STK33: variants seen among roughly 807,000 people sequenced by gnomAD.
STK33 encodes serine/threonine kinase 33.
STK33 carries 52 observed loss-of-function variants against 58.0 expected under a neutral mutation model. The ratio of observed to expected loss-of-function variants is 0.90; its 90% CI spans 0.72 to 1.13. The LOEUF is 1.13. Ranked by LOEUF, STK33 falls within the 50% of genes most tolerant of loss-of-function variation. The pLI, the probability that STK33 is intolerant of heterozygous loss-of-function variation, is 0.00. For missense variants in STK33, 630 were observed against 604.2 expected (o/e 1.04, Z -0.45); for synonymous variants, 215 against 200.1 (o/e 1.07, Z -0.63).
chr11:8,515,069 G>C (rs1184790048), intron 1 of STK33, among the ~76,000 whole-genome samples: 3 of 151,872 alleles, frequency 2.0e-5, no homozygotes, highest in African/African-American at 7.2e-5. Flanking sequence ...AGAGAAGTCA[G>C]AAAAATGAAC....
intron 1 of STK33, among the ~76,000 whole-genome samples, chr11:8,553,486 T>C (rs1265896312): frequency 6.6e-6 from 1 of 151,832 alleles, no homozygotes; most frequent in Non-Finnish European, 1.5e-5. Context: ...ATTATAATCA[T>C]ATGGGACCAC....
chr11:8,435,500 C>T lies in STK33; in HGVS notation c.1140G>A (p.Trp380Ter). 1.4e-6 allele frequency: 2 copies of T among 1,450,262 alleles called. No homozygotes were observed. Among genetic ancestry groups the T allele is most frequent in the South Asian group, 1.7e-5 (1 of 60,268 alleles). 89.8% of individuals were successfully genotyped at this position (1,450,262 alleles called of 1,614,324 possible). A position where few individuals can be genotyped will look rare whatever the true frequency, so the allele number is the denominator to read the frequency against. The stretch of plus-strand genomic sequence containing the variant: ...AAGTAATATTGTAACTTACTGTTAA[C>T]CACTGGTTATCTAGTAGTTCCTTAG... The part of the protein sequence containing the change: ...ITAKELLDNQ[W>*]LTGNKLSSVR... Residue 380 changes from tryptophan to a stop codon, truncating the protein, a stop_gained, in exon 14 of 16, where the codon TGG becomes TGA. Coordinates refer to ENST00000687296, the MANE Select transcript of STK33 (RefSeq NM_001352389.2). LOFTEE classifies it high-confidence loss of function.
intron 1 of STK33, among the ~76,000 whole-genome samples, chr11:8,579,392 C>T (rs1008507343): frequency 1.3e-5 from 2 of 151,968 alleles, no homozygotes; most frequent in Admixed American, 6.6e-5. Context: ...CTTTCAAATA[C>T]TTTAGTTCAA....
chr11:8,383,497 G>T, the STK33 span, among the ~76,000 whole-genome samples: 1 of 152,340 alleles, frequency 6.6e-6, no homozygotes, highest in South Asian at 2.1e-4. Context: ...CTGAGGAAGA[G>T]TTGGGCTGAA....
chr11:8,516,356 T>A (rs1439357507), intron 1 of STK33, among the ~76,000 whole-genome samples: 3 of 152,044 alleles, frequency 2.0e-5, no homozygotes, highest in Non-Finnish European at 4.4e-5. Flanking sequence ...TATCCACATA[T>A]AAAAGAATGA....
chr11:8,462,440 T>TACACACACACACACACAAACACAC (rs201221789), intron 7 of STK33, among the ~76,000 whole-genome samples: 1 of 126,498 alleles, frequency 7.9e-6, no homozygotes, highest in Admixed American at 8.7e-5. Flanking sequence ...TATATACATA[T>TACACACACACACACACAAACACAC]ATACACACAC....
At chr11:8,547,428 G>T (rs1247340157) in intron 1 of STK33, among the ~76,000 whole-genome samples, 2 of 152,194 alleles carry the variant, frequency 1.3e-5, no homozygotes, top group Non-Finnish European at 2.9e-5. Flanking sequence ...TGACCAGGCT[G>T]GTCTCGAACT....
At chr11:8,363,065 G>A in the STK33 span, among the ~76,000 whole-genome samples, 3 of 152,176 alleles carry the variant, frequency 2.0e-5, no homozygotes, top group Admixed American at 1.3e-4. Flanking sequence ...CCCCTTGGGC[G>A]GGACCAGAGC....
intron 1 of STK33, among the ~76,000 whole-genome samples, chr11:8,564,068 G>T (rs11041990): frequency 0.48 from 72,508 of 152,016 alleles, 17,381 homozygotes; most frequent in South Asian, 0.63. Flanking sequence ...ACTTTTTCAG[G>T]AGCGGAGTGG....
chr11:8,336,829 C>T, the STK33 span, among the ~76,000 whole-genome samples: 3 of 152,230 alleles, frequency 2.0e-5, no homozygotes, highest in Non-Finnish European at 4.4e-5. Flanking sequence ...GTGGGGCCCG[C>T]GGGCTGCAAG....
chr11:8,364,542 A>G, the STK33 span, among the ~76,000 whole-genome samples: 1 of 152,224 alleles, frequency 6.6e-6, no homozygotes, highest in South Asian at 2.1e-4. Context: ...TGCAAACTGA[A>G]GAGCCAGCAG....
At chr11:8,449,434 T>C (rs371583491) in intron 11 of STK33, among the ~76,000 whole-genome samples, 10 of 151,556 alleles carry the variant, frequency 6.6e-5, no homozygotes, top group African/African-American at 9.8e-5. Flanking sequence ...ACATATACAC[T>C]ATGGAATACT....
chr11:8,449,031 A>G (rs981440232), intron 11 of STK33, among the ~76,000 whole-genome samples: 2 of 151,738 alleles, frequency 1.3e-5, no homozygotes, highest in Non-Finnish European at 2.9e-5. Context: ...CACGTGAAAA[A>G]ATGCTCATCA....
chr11:8,396,984 C>G (rs1307338154), intron 15 of STK33, among the ~76,000 whole-genome samples: 1 of 152,202 alleles, frequency 6.6e-6, no homozygotes, highest in East Asian at 1.9e-4. Flanking sequence ...CTGGGTGGAG[C>G]CCACCGCAGC....
chr11:8,593,521 G>A (rs1396093898), intron 1 of STK33, among the ~76,000 whole-genome samples: 1 of 152,146 alleles, frequency 6.6e-6, no homozygotes, highest in African/African-American at 2.4e-5. Context: ...CTACATTTAG[G>A]AAGCTGAGGG....
intron 14 of STK33, among the ~76,000 whole-genome samples, chr11:8,427,231 G>C (rs1942880143): frequency 6.6e-6 from 1 of 152,014 alleles, no homozygotes; most frequent in Non-Finnish European, 1.5e-5. Context: ...ATAACAATTT[G>C]AATAGATATA....
chr11:8,400,813 C>T (rs1299155858), intron 15 of STK33, among the ~76,000 whole-genome samples: 5 of 152,082 alleles, frequency 3.3e-5, no homozygotes, highest in Non-Finnish European at 5.9e-5. Flanking sequence ...ACAAACATTC[C>T]TATACACCAA....
rs10444315 is a variant in STK33 at position 8,511,096 on chromosome 11, C to A, written c.-465-30482G>T. On this transcript the variant is annotated intron_variant, in intron 1 of 15. Transcript: ENST00000687296. ...GCTTTTGGCAGTATGGTCATTTTCA[C>A]AATATTGATTCTACCCATCCATGAA... Among the ~76,000 whole-genome samples the A allele has an allele frequency of 5.4e-3, 827 of 152,248 alleles. 2 individuals are homozygous for A. The highest frequency in any genetic ancestry group is 8.7e-3 in the Non-Finnish European group (590 of 67,988).
intron 1 of STK33, among the ~76,000 whole-genome samples, chr11:8,543,458 C>G (rs1044117909): frequency 6.6e-6 from 1 of 152,046 alleles, no homozygotes; most frequent in Non-Finnish European, 1.5e-5. Flanking sequence ...ATGGATGGAA[C>G]TGGAGATTAT....
Sources: allele counts gnomAD v4.1 joint callset (sites outside exome capture counted in the v4.1 genomes callset), GRCh38; gene constraint gnomAD v4.1.1; transcripts MANE v1.5; gene names NCBI Gene and HGNC (gene_info 2026-07-23, HGNC 2026-07-21).